The following UTP20 variants were observed in gnomAD, a reference collection of about 807,000 sequenced individuals.
UTP20 encodes UTP20 small subunit processome component, also known as small subunit processome component 20 homolog.
In UTP20, 164 loss-of-function variants were observed where a neutral mutation model predicts 329.5. The ratio of observed to expected loss-of-function variants is 0.50; its 90% CI spans 0.44 to 0.57. UTP20 has a LOEUF of 0.57. Among genes scored for constraint, UTP20 ranks in the 20% least tolerant of loss-of-function variants. UTP20 has a pLI of 0.00. For synonymous variants in UTP20, 1,151 were observed against 1,159.3 expected, an observed-to-expected ratio of 0.99 and a Z score of 0.14; for missense variants, 3,055 against 3,284.2, an observed-to-expected ratio of 0.93 and a Z score of 1.71.
Position 101,345,632 on chromosome 12 carries a change from G to A in UTP20, c.4684G>A (p.Val1562Ile). 1 of 1,613,076 alleles carries A rather than the reference G, an allele frequency of 6.2e-7. No individual in the cohort carries two copies. The highest frequency in any genetic ancestry group is 8.5e-7 in the Non-Finnish European group (1 of 1,179,518). ...FPNQLEFKDL[V>I]QLTHYHDPEM... ...AAACCAACTGGAATTCAAAGACTTGGTACAACTTACTCATTACCATGACCC... is the reference window on the plus strand; with the variant it reads ...AAACCAACTGGAATTCAAAGACTTGATACAACTTACTCATTACCATGACCC... The change falls in exon 37 of 62, where the codon GTA (valine) becomes ATA (isoleucine). Residue 1562 changes from valine to isoleucine, a missense_variant. Val to Ile is a conservative substitution (Grantham distance 29). Coordinates refer to ENST00000261637, the MANE Select transcript of UTP20 (RefSeq NM_014503.3).
At chr12:101,385,533 A>T (rs749106254) in intron 60 of UTP20, 50 bp from the exon 61 acceptor site, 1 of 1,571,682 alleles carries the variant, frequency 6.4e-7, no homozygotes, top group Admixed American at 2.0e-5. Context: ...TGATGTTCAA[A>T]TGTGTCCTTT....
Position 101,367,704 on chromosome 12 carries a change from C to T in UTP20, c.6268-156C>T, listed in dbSNP as rs913944478. ...AGCTCTCACTTTGACTTACTGAGACCCTCCCAGGCAGTTTGTCATTCCTTA... is the reference window on the plus strand; with the variant it reads ...AGCTCTCACTTTGACTTACTGAGACTCTCCCAGGCAGTTTGTCATTCCTTA... On this transcript the variant is annotated intron_variant, in intron 47 of 61. Transcript: ENST00000261637. Among the ~76,000 whole-genome samples, 38 of 152,162 alleles carry T rather than the reference C, an allele frequency of 2.5e-4. 2 individuals are homozygous for T. Among genetic ancestry groups the T allele is most frequent in the Non-Finnish European group, 1.5e-5 (1 of 68,036 alleles).
chr12:101,299,066 G>A (rs1036968023), intron 12 of UTP20, among the ~76,000 whole-genome samples: 2 of 151,996 alleles, frequency 1.3e-5, no homozygotes, highest in Non-Finnish European at 2.9e-5. Context: ...TTAGATTTTT[G>A]TCTTTCAAAT....
chr12:101,344,763 G>C lies in UTP20; in HGVS notation c.4605+13G>C. The C allele has an allele frequency of 6.2e-7, 1 of 1,611,396 alleles. No homozygotes were observed. Among genetic ancestry groups the C allele is most frequent in the Non-Finnish European group, 8.5e-7 (1 of 1,178,674 alleles). On this transcript the variant is annotated intron_variant, in intron 36 of 61. Transcript: ENST00000261637. ...GAGCCAGACAGAGGTATATAACTTT[G>C]TGTTTTAGGCACTACTGTCTGAGGC... is the stretch of plus-strand genomic sequence containing the variant.
At chr12:101,330,897 C>T (rs571887728) in intron 27 of UTP20, among the ~76,000 whole-genome samples, 19 of 152,198 alleles carry the variant, frequency 1.2e-4, no homozygotes, top group Admixed American at 1.2e-3. Context: ...ATTCTTGGAC[C>T]CATCCAAGGA....
At chr12:101,284,258 G>A (rs1871889713) in intron 2 of UTP20, among the ~76,000 whole-genome samples, 1 of 151,944 alleles carries the variant, frequency 6.6e-6, no homozygotes, top group Non-Finnish European at 1.5e-5. Context: ...CCACCCTCTA[G>A]TAATCCACAG....
chr12:101,290,050 C>G (rs1872087573), intron 6 of UTP20, 87 bp from the exon 7 acceptor site: 13 of 1,045,318 alleles, frequency 1.2e-5, no homozygotes, highest in Non-Finnish European at 1.7e-5. Context: ...ATTTAAATAA[C>G]AATATATAGA....
At chr12:101,287,279 G>A (rs1456962877) in intron 5 of UTP20, among the ~76,000 whole-genome samples, 1 of 152,202 alleles carries the variant, frequency 6.6e-6, no homozygotes, top group Non-Finnish European at 1.5e-5. Context: ...GAAAGAGAAA[G>A]AAATCTTTTT....
intron 56 of UTP20, among the ~76,000 whole-genome samples, chr12:101,379,023 A>G (rs188959915): frequency 2.0e-5 from 3 of 152,224 alleles, no homozygotes; most frequent in Admixed American, 6.5e-5. Flanking sequence ...CAATGATCCA[A>G]TTGGGGTAAT....
At chr12:101,288,897 T>A (rs1872042840) in intron 5 of UTP20, 63 bp from the exon 6 acceptor site, 1 of 1,399,780 alleles carries the variant, frequency 7.1e-7, no homozygotes, top group African/African-American at 1.5e-5. Context: ...ATTGTTGACA[T>A]GTAGTATGTA....
At position 101,365,476 on chromosome 12, in the gene UTP20, G is replaced by C; in HGVS notation, c.5976G>C (p.Thr1992=). 6.2e-7 allele frequency: 1 copy of C among 1,604,726 alleles called. No homozygotes were observed. Among genetic ancestry groups the C allele is most frequent in the Non-Finnish European group, 8.5e-7 (1 of 1,177,576 alleles). The change falls in exon 46 of 62, where the codon ACG becomes ACC. Residue 1992 remains threonine, a synonymous_variant. Transcript: ENST00000261637. The part of the protein sequence containing the change: ...LPLKEILQNT[T]SLKLARKVHE... The stretch of plus-strand genomic sequence containing the variant: ...GCCTTTAGATCTTACAAAATACCAC[G>C]AGTTTGAAACTGGCCCGGAAAGTTC...
rs185271622 is a variant in UTP20 at position 101,342,767 on chromosome 12, A to G, written c.4246-20A>G. ...TAAAGTTTTATTCACTGATAAATAC[A>G]CTGTTTTCTTTCCTTTCAGACTCTT... On this transcript the variant is annotated intron_variant, in intron 33 of 61. Transcript: ENST00000261637. 2,233 of 1,608,692 alleles carry G rather than the reference A, an allele frequency of 1.4e-3. No individual in the cohort carries two copies. Among genetic ancestry groups the G allele is most frequent in the Non-Finnish European group, 1.7e-3 (2,013 of 1,176,498 alleles).
At chr12:101,370,677 T>C (rs2121028244) in intron 50 of UTP20, 114 bp downstream of exon 50, 2 of 1,159,986 alleles carry the variant, frequency 1.7e-6, no homozygotes, top group South Asian at 3.6e-5. Context: ...TTGAGTAATT[T>C]GTAAAGATTA....
chr12:101,342,519 A>C lies in UTP20; in HGVS notation c.4175A>C (p.Lys1392Thr). ...KHCVDPTSFL[K>T]PIAKLFSVIK... ...TGTGTGGACCCTACAAGCTTCCTCA[A>C]GCCTATAGCAAAACTTTTCTCAGTT... The change falls in exon 33 of 62, where the codon AAG (lysine) becomes ACG (threonine). Residue 1392 changes from lysine (K) to threonine (T), a missense_variant. Coordinates refer to ENST00000261637, the MANE Select transcript of UTP20 (RefSeq NM_014503.3). 6.2e-7 allele frequency: 1 copy of C among 1,613,724 alleles called. No individual in the cohort carries two copies. Among genetic ancestry groups the C allele is most frequent in the Non-Finnish European group, 8.5e-7 (1 of 1,179,852 alleles).
Position 101,370,578 on chromosome 12 carries a change from G to C in UTP20, c.6687+15G>C, listed in dbSNP as rs1381974519. 2 of 1,608,346 alleles carry C rather than the reference G, an allele frequency of 1.2e-6. No individual in the cohort carries two copies. The highest frequency in any genetic ancestry group is 4.5e-5 in the East Asian group (2 of 44,734). On this transcript the variant is annotated intron_variant, in intron 50 of 61. Transcript: ENST00000261637. ...GTCTTCTGAAGGTATGCTGTCGCCA[G>C]AATGTTGACTGTTACGGTTTATGAG...
chr12:101,339,313 A>AAAAAT (rs71438423), intron 31 of UTP20, among the ~76,000 whole-genome samples: 17,688 of 151,646 alleles, frequency 0.12, 1,285 homozygotes, highest in Middle Eastern at 0.16. Context: ...ACTCCATCTC[A>AAAAAT]AAAATAAAAT....
intron 6 of UTP20, 72 bp downstream of exon 6, chr12:101,289,113 A>C: frequency 2.1e-4 from 285 of 1,359,494 alleles, no homozygotes; most frequent in Non-Finnish European, 2.7e-4. Context: ...GTGGTGGCTC[A>C]TGCCTGTAAT....
In UTP20 at chr12:101,303,281, C is replaced by G. The variant is rs1389032236; in HGVS notation, c.1781+728C>G. Among the ~76,000 whole-genome samples the G allele has an allele frequency of 3.3e-5, 5 of 152,180 alleles. No individual in the cohort carries two copies. The East Asian group carries it at 9.6e-4, about 29-fold the overall frequency. On this transcript the variant is annotated intron_variant, in intron 15 of 61. Coordinates refer to ENST00000261637, the MANE Select transcript of UTP20 (RefSeq NM_014503.3). Reference sequence around the variant, plus strand: ...TCCCTGCCTTCTTGTAGCTAATGCTCTAGCCAGAAGAGGCACTAAACAGAA... The same window carrying G: ...TCCCTGCCTTCTTGTAGCTAATGCTGTAGCCAGAAGAGGCACTAAACAGAA...
chr12:101,352,153 T>C lies in UTP20; in HGVS notation c.4983T>C (p.His1661=), dbSNP rs1869549254. The C allele has an allele frequency of 1.2e-6, 2 of 1,613,868 alleles. No individual in the cohort carries two copies. The highest frequency in any genetic ancestry group is 1.7e-6 in the Non-Finnish European group (2 of 1,179,980). The stretch of plus-strand genomic sequence containing the variant: ...TGTATTACTTGAAACATTTCATTCA[T>C]GTCTTACAAACGGGACAGATCAATC... ...AYMYYLKHFI[H]VLQTGQINQK... Residue 1661 remains histidine, a synonymous_variant, in exon 39 of 62, where the codon CAT becomes CAC. Coordinates refer to ENST00000261637, the MANE Select transcript of UTP20 (RefSeq NM_014503.3).
Sources: allele counts gnomAD v4.1 joint callset (sites outside exome capture counted in the v4.1 genomes callset), GRCh38; gene constraint gnomAD v4.1.1; transcripts MANE v1.5; gene names NCBI Gene and HGNC (gene_info 2026-07-23, HGNC 2026-07-21).